PGM3: variants seen among roughly 807,000 people sequenced by gnomAD.
PGM3 encodes the protein phosphoacetylglucosamine mutase.
A neutral mutation model predicts 66.2 loss-of-function variants in PGM3; 40 were observed. The ratio of observed to expected loss-of-function variants is 0.60; its 90% CI spans 0.47 to 0.79. The LOEUF (loss-of-function observed/expected upper bound fraction) is 0.79, where lower values mean the gene tolerates loss of function less well. PGM3 is among the 30% of genes least tolerant of loss of function. PGM3 has a pLI of 0.00. For synonymous variants in PGM3, 191 were observed against 224.2 expected, an observed-to-expected ratio of 0.85 and a Z score of 1.32; for missense variants, 537 against 643.4, an observed-to-expected ratio of 0.83 and a Z score of 1.79.
downstream of PGM3, among the ~76,000 whole-genome samples, chr6:83,157,012 TAATTG>T (rs1237041806): frequency 6.6e-6 from 1 of 152,248 alleles, no homozygotes; most frequent in African/African-American, 2.4e-5. Context: ...TATCTTTGTT[TAATTG>T]GAGTTCTCTT....
At chr6:83,170,783 C>A in intron 11 of PGM3, 1 of 220,796 alleles carries the variant, frequency 4.5e-6, no homozygotes, top group Non-Finnish European at 8.9e-6. Context: ...AGTGGTAGCC[C>A]ATTATATAAG....
chr6:83,169,420 T>C (rs1786594518), intron 12 of PGM3, 97 bp from the exon 13 acceptor site: 7 of 1,381,284 alleles, frequency 5.1e-6, no homozygotes, highest in South Asian at 1.3e-5. Context: ...AAGAGAGGGG[T>C]GATTCTTGAT....
In PGM3 at chr6:83,181,689, T is replaced by C. The variant is rs572075414; in HGVS notation, c.787+47A>G. ...ACCTTAGTTTATAAGTGAGATTGGC[T>C]TCAAAGAGCATTAAAAACAAATTTT... On this transcript the variant is annotated intron_variant, in intron 6 of 12. Coordinates refer to ENST00000513973, the MANE Select transcript of PGM3 (RefSeq NM_015599.3). The C allele has an allele frequency of 3.7e-6, 5 of 1,355,036 alleles. No individual in the cohort carries two copies. The East Asian group carries it at 7.0e-5, about 19-fold the overall frequency. 83.9% of individuals were successfully genotyped at this position (1,355,036 alleles called of 1,614,324 possible).
At chr6:83,153,463 T>C in the PGM3 span, 11 of 1,225,780 alleles carry the variant, frequency 9.0e-6, no homozygotes, top group Non-Finnish European at 1.3e-5. Context: ...CTTGGGATGA[T>C]GTCAGTTTCA....
chr6:83,190,491 C>A, intron 2 of PGM3: 1 of 270,138 alleles, frequency 3.7e-6, no homozygotes, highest in East Asian at 8.1e-5. Context: ...TATCTTTAAT[C>A]ACTGCTAAGT....
downstream of PGM3, among the ~76,000 whole-genome samples, chr6:83,159,308 T>A (rs2128401112): frequency 6.6e-6 from 1 of 152,220 alleles, no homozygotes; most frequent in African/African-American, 2.4e-5. Context: ...GGGTCTCATC[T>A]TTTCACCCAG....
intron 3 of PGM3, 29 bp downstream of exon 3, chr6:83,188,585 T>C: frequency 2.6e-6 from 4 of 1,553,582 alleles, no homozygotes; most frequent in Non-Finnish European, 3.5e-6. Flanking sequence ...CCAAAGGTTT[T>C]TTTTTTTACC....
downstream of PGM3, among the ~76,000 whole-genome samples, chr6:83,159,384 C>G (rs10943928): frequency 0.094 from 14,325 of 152,088 alleles, 863 homozygotes; most frequent in East Asian, 0.15. Flanking sequence ...GGTGATTCCC[C>G]CACCTCAGCC....
At chr6:83,159,002 A>G (rs193014904), downstream of PGM3, among the ~76,000 whole-genome samples, 1 of 152,328 alleles carries the variant, frequency 6.6e-6, no homozygotes, top group Admixed American at 6.5e-5. Context: ...GATGGTCCCA[A>G]TTTAATATAC....
intron 4 of PGM3, among the ~76,000 whole-genome samples, chr6:83,185,539 G>A (rs1207116715): frequency 2.6e-5 from 4 of 152,120 alleles, no homozygotes; most frequent in African/African-American, 4.8e-5. Flanking sequence ...CGAGGCAGGC[G>A]GATCACGAGG....
At chr6:83,159,015 T>C (rs1282387865), downstream of PGM3, among the ~76,000 whole-genome samples, 2 of 152,188 alleles carry the variant, frequency 1.3e-5, no homozygotes, top group South Asian at 2.1e-4. Context: ...TAATATACTT[T>C]TATTCTTTTT....
At chr6:83,163,310 T>C (rs555060713), downstream of PGM3, among the ~76,000 whole-genome samples, 1 of 152,212 alleles carries the variant, frequency 6.6e-6, no homozygotes, top group African/African-American at 2.4e-5. Context: ...TTCATCTTAA[T>C]GCCATGATGA....
rs1391926468 is a variant in PGM3, at chr6:83,168,567, A to G, written c.*667T>C. The G allele has an allele frequency of 5.0e-6, 5 of 998,154 alleles. No individual in the cohort carries two copies. The African/African-American group carries it at 8.7e-5, about 17-fold the overall frequency. The allele number at this position is 998,154 out of a possible 1,614,324, so 61.8% of individuals were successfully genotyped here. On this transcript the variant is annotated 3_prime_UTR_variant, in exon 13 of 13. Transcript: ENST00000513973. ...GGTATCAGAATGGTGTTCCTTCTCC[A>G]TCAGAGGCTGGGAAACGTATTATAA...
At chr6:83,151,536 C>T in the PGM3 span, 1 of 1,391,026 alleles carries the variant, frequency 7.2e-7, no homozygotes, top group Non-Finnish European at 9.9e-7. Flanking sequence ...AATTAGATCG[C>T]ATTAGTTTCT....
chr6:83,154,603 G>A, the PGM3 span, among the ~76,000 whole-genome samples: 1 of 152,156 alleles, frequency 6.6e-6, no homozygotes, highest in Admixed American at 6.5e-5. Context: ...ATGAGAGACT[G>A]ACAGATGGTG....
At chr6:83,156,668 G>A (rs1782867308), downstream of PGM3, among the ~76,000 whole-genome samples, 1 of 152,186 alleles carries the variant, frequency 6.6e-6, no homozygotes, top group Admixed American at 6.5e-5. Flanking sequence ...GCTCGAGTCA[G>A]CATACTCTAA....
chr6:83,192,864 C>CA (rs768269508), intron 1 of PGM3, among the ~76,000 whole-genome samples: 2 of 152,198 alleles, frequency 1.3e-5, no homozygotes, highest in Admixed American at 1.3e-4. Flanking sequence ...ATTCAATCTT[C>CA]AAATCTCCTT....
rs1270609084 is a variant in PGM3 at position 83,187,029 on chromosome 6, C to A, written c.436G>T (p.Val146Phe). Residue 146 changes from valine to phenylalanine, a missense_variant, in exon 4 of 13, where the codon GTT (valine) becomes TTT (phenylalanine). Val to Phe is a conservative substitution (Grantham distance 50). Transcript: ENST00000513973. ...ATACCATGGAATTGACCTCCTAGAA[C>A]AGTCACACCATCTATTACAGATTGT... Reference protein sequence around the residue: ...LSQSVIDGVTVLGGQFHDYGL... With the variant: ...LSQSVIDGVTFLGGQFHDYGL... The A allele has an allele frequency of 8.8e-6, 14 of 1,597,528 alleles. No individual in the cohort carries two copies. The Middle Eastern group carries it at 5.0e-4, about 57-fold the overall frequency.
chr6:83,151,590 T>C, the PGM3 span: 1 of 1,595,218 alleles, frequency 6.3e-7, no homozygotes, highest in Non-Finnish European at 8.5e-7. Flanking sequence ...TTGGCCCTTT[T>C]AGGGTTCTGA....
Sources: gnomAD v4.1 joint callset for allele counts (sites outside exome capture counted in the v4.1 genomes callset) on GRCh38, gnomAD v4.1.1 for gene constraint, MANE v1.5 for transcripts, NCBI Gene and HGNC (gene_info 2026-07-23, HGNC 2026-07-21) for gene names.